NELL1: variants seen among roughly 807,000 people sequenced by gnomAD.
The protein encoded by NELL1 is protein kinase C-binding protein NELL1.
In NELL1, 76 loss-of-function variants were observed where a neutral mutation model predicts 107.4. The ratio of observed to expected loss-of-function variants is 0.71; its 90% CI spans 0.59 to 0.86. The LOEUF (loss-of-function observed/expected upper bound fraction) is 0.86. Among genes scored for constraint, NELL1 ranks in the 40% least tolerant of loss-of-function variants. The pLI, the probability that NELL1 is intolerant of heterozygous loss-of-function variation, is 0.00. For synonymous variants in NELL1, 353 were observed against 341.2 expected (o/e 1.03, Z -0.38); for missense variants, 1,024 against 1,005.5 (o/e 1.02, Z -0.25).
At chr11:20,834,635 A>G (rs1848495913) in intron 3 of NELL1, among the ~76,000 whole-genome samples, 1 of 151,770 alleles carries the variant, frequency 6.6e-6, no homozygotes, top group South Asian at 2.1e-4. Flanking sequence ...CCCAGGAGGC[A>G]GAGTTTGCAG....
At chr11:20,692,966 G>T (rs1198383701) in intron 2 of NELL1, among the ~76,000 whole-genome samples, 3 of 152,072 alleles carry the variant, frequency 2.0e-5, no homozygotes, top group Non-Finnish European at 2.9e-5. Context: ...GAATCTGGGT[G>T]CTCCTGTATT....
chr11:21,394,215 A>C (rs2133787617), intron 15 of NELL1, among the ~76,000 whole-genome samples: 1 of 151,702 alleles, frequency 6.6e-6, no homozygotes, highest in East Asian at 2.0e-4. Flanking sequence ...CCTGAAACCT[A>C]GAAAATGTAA....
At chr11:21,455,820 G>GTTTTT (rs1441106651) in intron 15 of NELL1, among the ~76,000 whole-genome samples, 1 of 150,136 alleles carries the variant, frequency 6.7e-6, no homozygotes, top group Non-Finnish European at 1.5e-5. Context: ...CAAATGAGTT[G>GTTTTT]TTTTTTGACC....
intron 17 of NELL1, among the ~76,000 whole-genome samples, chr11:21,561,110 C>G (rs7482756): frequency 0.76 from 115,578 of 152,004 alleles, 44,413 homozygotes; most frequent in Non-Finnish European, 0.82. Flanking sequence ...TACTGTAGCT[C>G]TTGCCTGGTA....
chr11:20,924,539 A>G (rs1850448841), intron 7 of NELL1, among the ~76,000 whole-genome samples: 2 of 152,202 alleles, frequency 1.3e-5, no homozygotes, highest in Admixed American at 1.3e-4. Flanking sequence ...AGTGCTAGAA[A>G]TTGCCACTAT....
At chr11:21,250,507 C>G (rs1223856323) in intron 14 of NELL1, among the ~76,000 whole-genome samples, 1 of 152,052 alleles carries the variant, frequency 6.6e-6, no homozygotes, top group Non-Finnish European at 1.5e-5. Context: ...GATTTCTTAT[C>G]AGCTGCCAGC....
At chr11:21,486,345 T>A (rs2133907840) in intron 15 of NELL1, among the ~76,000 whole-genome samples, 1 of 152,242 alleles carries the variant, frequency 6.6e-6, no homozygotes, top group South Asian at 2.1e-4. Context: ...CCTAAGCCAC[T>A]GAGGAAATTG....
chr11:20,722,442 T>C (rs1460357556), intron 2 of NELL1, among the ~76,000 whole-genome samples: 1 of 152,228 alleles, frequency 6.6e-6, no homozygotes, highest in Non-Finnish European at 1.5e-5. Context: ...TTATGTATAC[T>C]TCAGTTTCCT....
chr11:21,382,996 CT>C (rs1485660831), intron 15 of NELL1, among the ~76,000 whole-genome samples: 1 of 151,944 alleles, frequency 6.6e-6, no homozygotes, highest in African/African-American at 2.4e-5. Flanking sequence ...AAGTTACAAA[CT>C]TTCCCTAGTA....
At position 21,561,700 on chromosome 11, in the gene NELL1, C is replaced by T. The variant is rs192433301; in HGVS notation, c.1980+1318C>T. 3.5e-3 allele frequency among the ~76,000 whole-genome samples: 535 copies of T among 152,134 alleles called. 2 individuals carry two copies. Among genetic ancestry groups the T allele is most frequent in the African/African-American group, 0.013 (524 of 41,528 alleles). On this transcript the variant is annotated intron_variant, in intron 17 of 19. Coordinates refer to ENST00000357134, the MANE Select transcript of NELL1 (RefSeq NM_006157.5). ...GGTATATTTAAAACCAGTTAGGTAA[C>T]TGGTAATCTAACTTGACTGAGCTCA...
intron 16 of NELL1, among the ~76,000 whole-genome samples, chr11:21,539,737 G>C (rs1856242423): frequency 6.6e-6 from 1 of 151,320 alleles, no homozygotes; most frequent in South Asian, 2.1e-4. Flanking sequence ...CCCATAGATA[G>C]CCCATAGGGT....
At chr11:21,567,349 G>A (rs1161194893) in intron 17 of NELL1, among the ~76,000 whole-genome samples, 1 of 149,182 alleles carries the variant, frequency 6.7e-6, no homozygotes, top group African/African-American at 2.6e-5. Context: ...GCCTATTGTT[G>A]GGAAATTCCT....
chr11:21,334,268 A>G (rs1850337047), intron 14 of NELL1, among the ~76,000 whole-genome samples: 1 of 151,974 alleles, frequency 6.6e-6, no homozygotes, highest in South Asian at 2.1e-4. Flanking sequence ...GGAGTCTAAA[A>G]CTATTTTGGT....
intron 15 of NELL1, among the ~76,000 whole-genome samples, chr11:21,400,542 A>G (rs187713410): frequency 9.2e-5 from 14 of 151,942 alleles, no homozygotes; most frequent in Admixed American, 7.9e-4. Flanking sequence ...CATCTTGTAT[A>G]TTCACGTTCT....
intron 15 of NELL1, among the ~76,000 whole-genome samples, chr11:21,495,371 T>G (rs545679474): frequency 6.3e-4 from 96 of 152,274 alleles, no homozygotes; most frequent in African/African-American, 1.9e-3. Context: ...ATATTCTATT[T>G]TACAGGTACA....
rs563217625 is a variant in NELL1 at position 21,117,727 on chromosome 11, C to T, written c.1426+4013C>T. Among the ~76,000 whole-genome samples the T allele has an allele frequency of 2.2e-3, 330 of 152,094 alleles. 1 individual carries two copies. The highest frequency in any genetic ancestry group is 6.8e-3 in the Middle Eastern group (2 of 294). On this transcript the variant is annotated intron_variant, in intron 13 of 19. Transcript: ENST00000357134. ...AGAGGCGTTCTGCATACCATATTCA[C>T]TTTGGGATGCAAGCTGTTGGAATGG...
At chr11:20,932,590 G>A (rs1850641216) in intron 9 of NELL1, among the ~76,000 whole-genome samples, 1 of 152,216 alleles carries the variant, frequency 6.6e-6, no homozygotes, top group Admixed American at 6.5e-5. Flanking sequence ...CAGGCACTGT[G>A]TTTAACCATT....
chr11:21,426,543 G>C (rs561345939), intron 15 of NELL1, among the ~76,000 whole-genome samples: 3 of 152,252 alleles, frequency 2.0e-5, no homozygotes, highest in South Asian at 4.1e-4. Flanking sequence ...TCTCTGCATA[G>C]GCACATACAT....
In NELL1 at chr11:20,919,183, C is replaced by T. The variant is rs183315073; in HGVS notation, c.677-69C>T. 1,172 of 965,382 alleles carry T rather than the reference C, an allele frequency of 1.2e-3. 2 individuals carry two copies. The highest frequency in any genetic ancestry group is 1.8e-3 in the Admixed American group (68 of 38,534). 59.8% of individuals were successfully genotyped at this position (965,382 alleles called of 1,614,324 possible). ...ACTCTTCTACATAGTCACGTATCTA[C>T]TGTTTTAAAATTTTATTTCTTATAT... On this transcript the variant is annotated intron_variant, in intron 6 of 19. Coordinates refer to ENST00000357134, the MANE Select transcript of NELL1 (RefSeq NM_006157.5).
Sources: allele counts gnomAD v4.1 joint callset (sites outside exome capture counted in the v4.1 genomes callset), GRCh38; gene constraint gnomAD v4.1.1; transcripts MANE v1.5; gene names NCBI Gene and HGNC (gene_info 2026-07-23, HGNC 2026-07-21).